TRPS1: variants seen among roughly 807,000 people sequenced by gnomAD.
TRPS1 encodes the protein transcriptional repressor GATA binding 1.
TRPS1 carries 6 observed loss-of-function variants against 101.2 expected under a neutral mutation model. That is an observed-to-expected ratio of 0.06 (90% CI 0.03 to 0.12). TRPS1 has a LOEUF of 0.12. TRPS1 is among the 10% of genes least tolerant of loss of function. TRPS1 has a pLI of 1.00. For missense variants in TRPS1, 1,363 were observed against 1,567.0 expected (o/e 0.87, Z 2.20); for synonymous variants, 578 against 589.8 (o/e 0.98, Z 0.29).
At chr8:115,627,862 T>C (rs181670237) in intron 1 of TRPS1, among the ~76,000 whole-genome samples, 1 of 151,900 alleles carries the variant, frequency 6.6e-6, no homozygotes, top group Non-Finnish European at 1.5e-5. Flanking sequence ...CTGACACACA[T>C]ATACAGTATA....
chr8:115,640,580 G>A (rs934736803), intron 1 of TRPS1, among the ~76,000 whole-genome samples: 39 of 152,292 alleles, frequency 2.6e-4, no homozygotes, highest in African/African-American at 9.1e-4. Flanking sequence ...ATATGAACAC[G>A]CATAAAACAG....
rs184822619 is a variant in TRPS1 at position 115,607,533 on chromosome 8, T to C, written c.967-2531A>G. Among the ~76,000 whole-genome samples, 22 of 152,054 alleles carry C rather than the reference T, an allele frequency of 1.4e-4. No individual in the cohort carries two copies. The East Asian group carries it at 1.9e-3, about 13-fold the overall frequency. ...CTGAAGAATGAATACCTTCATACTA[T>C]TGACTGCTCTTTCAAAAGCCAAGCT... is the stretch of plus-strand genomic sequence containing the variant. On this transcript the variant is annotated intron_variant, in intron 3 of 6. Coordinates refer to ENST00000395715, the MANE Select transcript of TRPS1 (RefSeq NM_014112.5).
chr8:115,438,032 T>C (rs1430664376), intron 5 of TRPS1, among the ~76,000 whole-genome samples: 1 of 152,186 alleles, frequency 6.6e-6, no homozygotes, highest in Non-Finnish European at 1.5e-5. Flanking sequence ...TTTTTCTACA[T>C]TTAAATGAAA....
chr8:115,660,597 G>A (rs907360073), intron 1 of TRPS1, among the ~76,000 whole-genome samples: 2 of 150,762 alleles, frequency 1.3e-5, no homozygotes, highest in Non-Finnish European at 3.0e-5. Context: ...GCAAACAAGA[G>A]AACCATGCTC....
In TRPS1 at chr8:115,650,983, A is replaced by C. The variant is rs142877548; in HGVS notation, c.-122+17562T>G. 2.3e-3 allele frequency among the ~76,000 whole-genome samples: 349 copies of C among 152,296 alleles called. 1 individual carries two copies. The highest frequency in any genetic ancestry group is 7.9e-3 in the African/African-American group (330 of 41,552). ...ACAAGTAACTTTCATCCTGAAGCCAAGACATAAGCCATTGTCCTCAAACAT... is the reference window on the plus strand; with the variant it reads ...ACAAGTAACTTTCATCCTGAAGCCACGACATAAGCCATTGTCCTCAAACAT... On this transcript the variant is annotated intron_variant, in intron 1 of 6. Transcript: ENST00000395715.
At chr8:115,581,010 G>A (rs185794174) in intron 5 of TRPS1, among the ~76,000 whole-genome samples, 1 of 151,962 alleles carries the variant, frequency 6.6e-6, no homozygotes, top group Admixed American at 6.6e-5. Flanking sequence ...GGTGTCCAAC[G>A]ACAGATAAAT....
intron 5 of TRPS1, among the ~76,000 whole-genome samples, chr8:115,552,569 A>G (rs1483589): frequency 0.69 from 105,339 of 151,994 alleles, 37,963 homozygotes; most frequent in African/African-American, 0.89. Context: ...GCAAATGACC[A>G]TCATTTATGC....
At chr8:115,419,091 C>G (rs924640090) in intron 5 of TRPS1, among the ~76,000 whole-genome samples, 8 of 152,126 alleles carry the variant, frequency 5.3e-5, no homozygotes, top group African/African-American at 1.7e-4. Context: ...GAGGTGCCCA[C>G]TTAAGTTAGG....
At chr8:115,645,796 T>A (rs1819011789) in intron 1 of TRPS1, among the ~76,000 whole-genome samples, 1 of 152,084 alleles carries the variant, frequency 6.6e-6, no homozygotes, top group Non-Finnish European at 1.5e-5. Flanking sequence ...CAAAAATACT[T>A]CTTGCAAGTT....
intron 5 of TRPS1, among the ~76,000 whole-genome samples, chr8:115,535,058 TAGCATATATATA>T (rs1450765150): frequency 9.5e-5 from 14 of 148,130 alleles, no homozygotes; most frequent in South Asian, 2.1e-4. Context: ...AGCATATGTA[TAGCATATATATA>T]AGCATATATA....
intron 5 of TRPS1, among the ~76,000 whole-genome samples, chr8:115,448,762 C>T (rs1021374647): frequency 6.6e-6 from 1 of 152,126 alleles, no homozygotes; most frequent in Admixed American, 6.6e-5. Flanking sequence ...ATTTTTCGGA[C>T]CATCACCATT....
chr8:115,480,904 A>C (rs1461372264), intron 5 of TRPS1, among the ~76,000 whole-genome samples: 2 of 152,118 alleles, frequency 1.3e-5, no homozygotes, highest in African/African-American at 2.4e-5. Context: ...CAGCCATTAA[A>C]ATAAGTCGAC....
At chr8:115,434,190 T>G (rs1001352782) in intron 5 of TRPS1, among the ~76,000 whole-genome samples, 1 of 152,206 alleles carries the variant, frequency 6.6e-6, no homozygotes, top group Non-Finnish European at 1.5e-5. Context: ...AATACAAAAG[T>G]TAGACAAATA....
intron 5 of TRPS1, among the ~76,000 whole-genome samples, chr8:115,566,839 C>G (rs1817079180): frequency 6.6e-6 from 1 of 152,038 alleles, no homozygotes; most frequent in Admixed American, 6.6e-5. Flanking sequence ...CCTATAATTT[C>G]ATCAAACCAT....
chr8:115,649,864 C>T (rs574424676), intron 1 of TRPS1, among the ~76,000 whole-genome samples: 1 of 152,332 alleles, frequency 6.6e-6, no homozygotes, highest in Admixed American at 6.5e-5. Flanking sequence ...AGCCAGGAAA[C>T]TAGCCCAGCA....
intron 5 of TRPS1, among the ~76,000 whole-genome samples, chr8:115,448,364 C>G (rs1005446981): frequency 2.0e-5 from 3 of 152,174 alleles, no homozygotes; most frequent in Non-Finnish European, 4.4e-5. Flanking sequence ...ATTGCCTTCA[C>G]AAATGTAGTT....
At chr8:115,516,933 A>T (rs1353928960) in intron 5 of TRPS1, among the ~76,000 whole-genome samples, 1 of 151,598 alleles carries the variant, frequency 6.6e-6, no homozygotes, top group Non-Finnish European at 1.5e-5. Context: ...AGAATTAAAA[A>T]AGTAAAGGGT....
At position 115,604,342 on chromosome 8, in the gene TRPS1, A is replaced by C; in HGVS notation, c.1627T>G (p.Phe543Val). The C allele has an allele frequency of 6.2e-7, 1 of 1,614,100 alleles. No homozygotes were observed. Among genetic ancestry groups the C allele is most frequent in the Non-Finnish European group, 8.5e-7 (1 of 1,179,982 alleles). ...VTSYNCQFCD[F>V]RYSKSHGPDV... is the part of the protein sequence containing the mutation. The stretch of plus-strand genomic sequence containing the variant: ...GGGCCATGGCTTTTGGAATATCGGA[A>C]GTCACAGAACTGACAATTATAGCTC... The change falls in exon 4 of 7, where the codon TTC becomes GTC. Residue 543 changes from phenylalanine (F) to valine (V), a missense_variant. Coordinates refer to ENST00000395715, the MANE Select transcript of TRPS1 (RefSeq NM_014112.5). The surrounding 1 kb of genome is among the most constrained non-coding windows in gnomAD (Gnocchi z 4.1).
intron 5 of TRPS1, among the ~76,000 whole-genome samples, chr8:115,422,032 A>T (rs1813075678): frequency 1.3e-5 from 2 of 152,192 alleles, no homozygotes; most frequent in South Asian, 2.1e-4. Flanking sequence ...CCTGCATGGC[A>T]GTTTTAAAAT....
Sources: gnomAD v4.1 joint callset for allele counts (sites outside exome capture counted in the v4.1 genomes callset) on GRCh38, gnomAD v4.1.1 for gene constraint, Gnocchi (gnomAD v3.1) non-coding constraint, MANE v1.5 for transcripts, NCBI Gene and HGNC (gene_info 2026-07-23, HGNC 2026-07-21) for gene names.